SLC22A25: variants seen among roughly 807,000 people sequenced by gnomAD.
The protein encoded by SLC22A25 is MGI:2442751, MGI:2385316, MGI:3042283, MGI:3645714, MGI:3605624, MGI:2442750.
Under a neutral mutation model 45.9 loss-of-function variants are expected in SLC22A25, and 44 were observed. The observed-to-expected ratio is 0.96, with a 90% CI of 0.75 to 1.23. SLC22A25 has a LOEUF of 1.23. SLC22A25 is among the 50% of genes most tolerant of loss of function. SLC22A25 has a pLI of 0.00. For missense variants in SLC22A25, 800 were observed against 666.4 expected (o/e 1.20, Z -2.21); for synonymous variants, 283 against 238.6 (o/e 1.19, Z -1.72).
chr11:63,189,858 C>T (rs368959125), intron 7 of SLC22A25, among the ~76,000 whole-genome samples: 347 of 152,032 alleles, frequency 2.3e-3, no homozygotes, highest in African/African-American at 7.9e-3. Context: ...TCTTTAAGAA[C>T]GTTGAATATT....
chr11:63,180,576 T>C, intron 9 of SLC22A25, 84 bp downstream of exon 9: 9 of 976,916 alleles, frequency 9.2e-6, no homozygotes, highest in Non-Finnish European at 1.4e-5. Flanking sequence ...AATATTTTCC[T>C]TCAACATGTT....
intron 7 of SLC22A25, among the ~76,000 whole-genome samples, chr11:63,199,254 A>G (rs950326287): frequency 1.3e-5 from 2 of 152,166 alleles, no homozygotes; most frequent in Admixed American, 6.5e-5. Context: ...ACAAACAACA[A>G]TCAGAGAATA....
intron 7 of SLC22A25, among the ~76,000 whole-genome samples, chr11:63,196,182 G>A (rs2089021248): frequency 6.6e-6 from 1 of 152,128 alleles, no homozygotes; most frequent in Admixed American, 6.6e-5. Context: ...GTACAAAGAG[G>A]AGCTGGTACC....
In SLC22A25 at chr11:63,164,548, C is replaced by T. The variant is rs546980126; in HGVS notation, c.1372G>A (p.Glu458Lys). The change falls in exon 11 of 12, where the codon GAA becomes AAA. Residue 458 changes from glutamate (E) to lysine (K), a missense_variant. Coordinates refer to ENST00000306494, the MANE Select transcript of SLC22A25 (RefSeq NM_199352.6). ...GITCSTAQENELIPSIIRGRA... is the reference protein window; with the variant it reads ...GITCSTAQENKLIPSIIRGRA... ...TACCTGATTATGGAAGGAATTAGTT[C>T]ATTTTCTTGGGCAGTAGAACAGGTA... is the stretch of plus-strand genomic sequence containing the variant. The T allele has an allele frequency of 1.9e-6, 3 of 1,613,720 alleles. No individual in the cohort carries two copies. The highest frequency in any genetic ancestry group is 2.7e-5 in the African/African-American group (2 of 75,018).
In SLC22A25 at chr11:63,229,457, TC is replaced by T; in HGVS notation, c.195del (p.Thr66ProfsTer8). On this transcript the variant is annotated frameshift_variant, in exon 4 of 12. Coordinates refer to ENST00000306494, the MANE Select transcript of SLC22A25 (RefSeq NM_199352.6). LOFTEE classifies it high-confidence loss of function. ...CTCAGGAGGGCATCCTGGCTGAGGG[TC>T]CCAGGGTCATTGTCAGGGATAGTGT... ...DNDTIPDNDP[G>X]TLSQDALLRI... The T allele has an allele frequency of 6.2e-7, 1 of 1,614,070 alleles. No homozygotes were observed. Among genetic ancestry groups the T allele is most frequent in the Non-Finnish European group, 8.5e-7 (1 of 1,179,950 alleles).
intron 7 of SLC22A25, among the ~76,000 whole-genome samples, chr11:63,186,379 T>C (rs2088545787): frequency 6.6e-6 from 1 of 151,394 alleles, no homozygotes; most frequent in African/African-American, 2.4e-5. Flanking sequence ...TTGCCCACTT[T>C]TTGTTGGGAT....
In SLC22A25 at chr11:63,228,442, A is replaced by G. The variant is rs192697464; in HGVS notation, c.506+19T>C. ...GATGAAAATACCCTTGAAGAGAGCT[A>G]TGCTCCATAGACACTCACCTGTCTG... On this transcript the variant is annotated intron_variant, in intron 5 of 11. Coordinates refer to ENST00000306494, the MANE Select transcript of SLC22A25 (RefSeq NM_199352.6). 2.5e-4 allele frequency: 378 copies of G among 1,536,770 alleles called. 2 individuals are homozygous for G. Among genetic ancestry groups the G allele is most frequent in the South Asian group, 2.2e-3 (193 of 87,852 alleles).
At chr11:63,203,957 C>CA (rs1210682819) in intron 7 of SLC22A25, among the ~76,000 whole-genome samples, 1 of 152,194 alleles carries the variant, frequency 6.6e-6, no homozygotes, top group Non-Finnish European at 1.5e-5. Flanking sequence ...AACAGTGGAT[C>CA]ACTCTGCAGA....
At chr11:63,180,600 T>A in intron 9 of SLC22A25, 60 bp downstream of exon 9, 1 of 1,190,326 alleles carries the variant, frequency 8.4e-7, no homozygotes, top group Non-Finnish European at 1.2e-6. Flanking sequence ...TCATTTGAAA[T>A]AAGAAATGGA....
chr11:63,240,779 T>A (rs929586075), intron 1 of SLC22A25, among the ~76,000 whole-genome samples: 14 of 152,186 alleles, frequency 9.2e-5, no homozygotes, highest in Admixed American at 6.5e-4. Flanking sequence ...CACTAGAAGG[T>A]CTTCTGGAGC....
chr11:63,167,188 TG>T (rs141967588), intron 9 of SLC22A25: 19,024 of 152,254 alleles, frequency 0.12, 1,551 homozygotes, highest in Non-Finnish European at 0.18. Flanking sequence ...GAGATTCCCT[TG>T]TGTGCCAATG....
Position 63,229,951 on chromosome 11 carries a change from G to C in SLC22A25, c.-299C>G, listed in dbSNP as rs1446665134. On this transcript the variant is annotated 5_prime_UTR_variant, in exon 4 of 12. Coordinates refer to ENST00000306494, the MANE Select transcript of SLC22A25 (RefSeq NM_199352.6). ...AAACATTAGACATCTACTTATTGAT[G>C]TCTTTAGTAGCTCCCCAATAGCAGC... Among the ~76,000 whole-genome samples, 1 of 152,164 alleles carries C rather than the reference G, an allele frequency of 6.6e-6. No individual in the cohort carries two copies. The highest frequency in any genetic ancestry group is 2.4e-5 in the African/African-American group (1 of 41,440).
intron 7 of SLC22A25, among the ~76,000 whole-genome samples, chr11:63,208,739 T>C (rs2089475942): frequency 6.6e-6 from 1 of 152,066 alleles, no homozygotes; most frequent in Non-Finnish European, 1.5e-5. Context: ...TAGCAGGGGC[T>C]GTGTGCTTGG....
In SLC22A25 at chr11:63,238,888, A is replaced by G; in HGVS notation, c.-748T>C. On this transcript the variant is annotated 5_prime_UTR_variant, in exon 2 of 12. Coordinates refer to ENST00000306494, the MANE Select transcript of SLC22A25 (RefSeq NM_199352.6). ...TGGCCTCAGGTTTGAGTCCAGTGAGATAGAGATTCTCAGGAGGGCATCTTG... is the reference window on the plus strand; with the variant it reads ...TGGCCTCAGGTTTGAGTCCAGTGAGGTAGAGATTCTCAGGAGGGCATCTTG... 1 of 235,896 alleles carries G rather than the reference A, an allele frequency of 4.2e-6. No individual in the cohort carries two copies. The highest frequency in any genetic ancestry group is 9.2e-6 in the Non-Finnish European group (1 of 108,198). 14.6% of individuals were successfully genotyped at this position (235,896 alleles called of 1,614,324 possible). A position where few individuals can be genotyped will look rare whatever the true frequency, so the allele number is the denominator to read the frequency against.
At chr11:63,168,298 A>G (rs563422849) in intron 9 of SLC22A25, among the ~76,000 whole-genome samples, 84 of 152,318 alleles carry the variant, frequency 5.5e-4, no homozygotes, top group African/African-American at 2.0e-3. Flanking sequence ...GGAGGGCATT[A>G]AACTGGATGG....
intron 6 of SLC22A25, 29 bp from the exon 7 acceptor site, chr11:63,217,511 T>C: frequency 6.2e-7 from 1 of 1,611,920 alleles, no homozygotes; most frequent in Non-Finnish European, 8.5e-7. Context: ...AAGATTTAGC[T>C]TTAAATACAG....
At position 63,162,429 on chromosome 11, in the gene SLC22A25, G is replaced by T. The variant is rs1221560334; in HGVS notation, c.*1395C>A. 2.6e-5 allele frequency among the ~76,000 whole-genome samples: 4 copies of T among 152,026 alleles called. No individual in the cohort carries two copies. Among genetic ancestry groups the T allele is most frequent in the Non-Finnish European group, 4.4e-5 (3 of 67,996 alleles). ...TAGATTCAAGTTTTTAATGCATTTT[G>T]ATTTGATTTTTGTATATGGTGAGAG... On this transcript the variant is annotated 3_prime_UTR_variant, in exon 12 of 12. Coordinates refer to ENST00000306494, the MANE Select transcript of SLC22A25 (RefSeq NM_199352.6).
chr11:63,234,504 A>G (rs942152248), intron 3 of SLC22A25, among the ~76,000 whole-genome samples: 2 of 152,112 alleles, frequency 1.3e-5, no homozygotes, highest in African/African-American at 4.8e-5. Context: ...ATCTTCGTCC[A>G]TCCCTTTATT....
chr11:63,182,549 C>T (rs1387337103), intron 8 of SLC22A25, among the ~76,000 whole-genome samples: 3 of 151,342 alleles, frequency 2.0e-5, no homozygotes, highest in Non-Finnish European at 2.9e-5. Context: ...CATTCAGTTC[C>T]ATCTGAATTT....
Sources: allele counts gnomAD v4.1 joint callset (sites outside exome capture counted in the v4.1 genomes callset), GRCh38; gene constraint gnomAD v4.1.1; transcripts MANE v1.5; gene names NCBI Gene and HGNC (gene_info 2026-07-23, HGNC 2026-07-21).